Variants in NRXN1 observed in about 807,000 individuals in gnomAD.
NRXN1 encodes neurexin 1.
Under a neutral mutation model 150.9 loss-of-function variants are expected in NRXN1, and 39 were observed. The ratio of observed to expected loss-of-function variants is 0.26; its 90% CI spans 0.20 to 0.34. NRXN1 has a LOEUF of 0.34. Ranked by LOEUF, NRXN1 falls within the 10% of genes least tolerant of loss-of-function variation. NRXN1 has a pLI of 1.00. For synonymous variants in NRXN1, 924 were observed against 757.0 expected (o/e 1.22, Z -3.62); for missense variants, 1,815 against 1,949.9 (o/e 0.93, Z 1.30).
At chr2:50,638,880 G>A (rs1197585017) in intron 5 of NRXN1, among the ~76,000 whole-genome samples, 2 of 151,868 alleles carry the variant, frequency 1.3e-5, no homozygotes, top group African/African-American at 4.8e-5. Flanking sequence ...TCCATTCAAG[G>A]GCTTTGAAAA....
At chr2:49,926,146 T>A in intron 22 of NRXN1, 1 of 389,050 alleles carries the variant, frequency 2.6e-6, no homozygotes, top group East Asian at 3.6e-5. Flanking sequence ...AAGCTAATGA[T>A]TATTCTAGCA....
chr2:51,001,211 G>A (rs980993553), intron 2 of NRXN1, among the ~76,000 whole-genome samples: 4 of 124,572 alleles, frequency 3.2e-5, no homozygotes, highest in East Asian at 2.9e-4. Context: ...AACCACATAC[G>A]TACAATGGTA....
At chr2:50,212,747 T>A (rs2063125852) in intron 18 of NRXN1, among the ~76,000 whole-genome samples, 1 of 151,896 alleles carries the variant, frequency 6.6e-6, no homozygotes, top group Admixed American at 6.6e-5. Flanking sequence ...AGGAATAAGA[T>A]GCCTTTGTCA....
At chr2:50,675,599 T>C (rs1282504051) in intron 5 of NRXN1, among the ~76,000 whole-genome samples, 1 of 152,206 alleles carries the variant, frequency 6.6e-6, no homozygotes, top group African/African-American at 2.4e-5. Context: ...TAAATCAAGC[T>C]ATTCCAATGC....
intron 5 of NRXN1, among the ~76,000 whole-genome samples, chr2:50,868,631 C>T (rs1382856546): frequency 2.0e-5 from 3 of 151,736 alleles, no homozygotes; most frequent in Admixed American, 2.0e-4. Context: ...AGCATATTAT[C>T]ATAATTTATT....
chr2:50,211,520 T>A (rs949353967), intron 18 of NRXN1, among the ~76,000 whole-genome samples: 3 of 151,558 alleles, frequency 2.0e-5, no homozygotes, highest in Non-Finnish European at 3.0e-5. Context: ...AAGACAAATA[T>A]AATATGCCTG....
chr2:50,900,843 G>A (rs1682836310), intron 5 of NRXN1, among the ~76,000 whole-genome samples: 1 of 152,210 alleles, frequency 6.6e-6, no homozygotes, highest in African/African-American at 2.4e-5. Flanking sequence ...AGCGCTACCT[G>A]GATTAGACTG....
intron 18 of NRXN1, among the ~76,000 whole-genome samples, chr2:50,223,894 A>C (rs943154074): frequency 3.9e-5 from 6 of 151,904 alleles, no homozygotes; most frequent in African/African-American, 1.4e-4. Context: ...TTCCAGAGCA[A>C]TGTGGGTTAC....
At chr2:50,341,995 T>A (rs201533547) in intron 17 of NRXN1, among the ~76,000 whole-genome samples, 8 of 152,208 alleles carry the variant, frequency 5.3e-5, no homozygotes, top group East Asian at 3.8e-4. Context: ...ATAGCTTGGA[T>A]TTTTAGAACT....
chr2:50,370,391 C>T (rs1212010263), intron 17 of NRXN1, among the ~76,000 whole-genome samples: 4 of 151,986 alleles, frequency 2.6e-5, no homozygotes, highest in African/African-American at 9.7e-5. Context: ...CTAAGCAACA[C>T]CGATGCTCAC....
At chr2:50,484,337 A>G (rs535558849) in intron 15 of NRXN1, among the ~76,000 whole-genome samples, 3 of 152,300 alleles carry the variant, frequency 2.0e-5, no homozygotes, top group East Asian at 3.9e-4. Flanking sequence ...CAATAAGGTC[A>G]TCACATCCAG....
intron 17 of NRXN1, among the ~76,000 whole-genome samples, chr2:50,291,631 G>A (rs186169759): frequency 5.3e-5 from 8 of 152,234 alleles, no homozygotes; most frequent in Middle Eastern, 3.4e-3. Context: ...GAAGCCTGCC[G>A]AATTTTCAGG....
intron 5 of NRXN1, among the ~76,000 whole-genome samples, chr2:50,660,773 A>C (rs912601972): frequency 3.9e-5 from 6 of 152,032 alleles, no homozygotes; most frequent in Non-Finnish European, 8.8e-5. Flanking sequence ...ATACTGGAGC[A>C]CTACCTCCCA....
At chr2:51,011,194 A>G (rs1350784903) in intron 2 of NRXN1, among the ~76,000 whole-genome samples, 1 of 152,012 alleles carries the variant, frequency 6.6e-6, no homozygotes, top group Non-Finnish European at 1.5e-5. Context: ...GCTATTTGAT[A>G]TTCTCTTTTA....
In NRXN1 at chr2:50,844,108, A is replaced by G. The variant is rs903063104; in HGVS notation, c.832+77761T>C. Reference sequence around the variant, plus strand: ...GGACCTGGAGGCACGAAGAACAGCGAAAGTGAGACTTTTAATACTAGTCTT... The same window carrying G: ...GGACCTGGAGGCACGAAGAACAGCGGAAGTGAGACTTTTAATACTAGTCTT... On this transcript the variant is annotated intron_variant, in intron 5 of 22. Coordinates refer to ENST00000401669, the MANE Select transcript of NRXN1 (RefSeq NM_001330078.2). Among the ~76,000 whole-genome samples, 5 of 152,256 alleles carry G rather than the reference A, an allele frequency of 3.3e-5. No homozygotes were observed. The South Asian group carries it at 1.0e-3, about 32-fold the overall frequency.
At chr2:51,010,063 G>A (rs1485477301) in intron 2 of NRXN1, among the ~76,000 whole-genome samples, 1 of 151,920 alleles carries the variant, frequency 6.6e-6, no homozygotes, top group Non-Finnish European at 1.5e-5. Flanking sequence ...CTACGTTTAA[G>A]ACAGAATGTT....
intron 18 of NRXN1, among the ~76,000 whole-genome samples, chr2:50,210,694 A>AC (rs763422789): frequency 4.0e-5 from 6 of 151,650 alleles, no homozygotes; most frequent in Non-Finnish European, 7.4e-5. Flanking sequence ...TGTTGTTTTG[A>AC]CTATGAATAA....
At chr2:50,678,999 A>G (rs1288266184) in intron 5 of NRXN1, among the ~76,000 whole-genome samples, 2 of 152,024 alleles carry the variant, frequency 1.3e-5, no homozygotes, top group Non-Finnish European at 2.9e-5. Context: ...GAAGGAAGGA[A>G]TTGTCTACTT....
chr2:50,050,621 G>C, intron 21 of NRXN1, among the ~76,000 whole-genome samples: 1 of 151,928 alleles, frequency 6.6e-6, no homozygotes, highest in Middle Eastern at 3.2e-3. Context: ...ATAGGTCAAA[G>C]TTTACAGTTT....
Sources: gnomAD v4.1 joint callset for allele counts (sites outside exome capture counted in the v4.1 genomes callset) on GRCh38, gnomAD v4.1.1 for gene constraint, MANE v1.5 for transcripts, NCBI Gene and HGNC (gene_info 2026-07-23, HGNC 2026-07-21) for gene names.